NXPH2: variants seen among roughly 807,000 people sequenced by gnomAD.
NXPH2 encodes the protein neurexophilin 2.
Under a neutral mutation model 19.8 loss-of-function variants are expected in NXPH2, and 5 were observed. The observed-to-expected ratio is 0.25, with a 90% CI of 0.13 to 0.53. The LOEUF is 0.53. Ranked by LOEUF, NXPH2 falls within the 20% of genes least tolerant of loss-of-function variation. The probability of loss-of-function intolerance (pLI) is 0.96; values close to 1 mark genes in which losing one functional copy is unlikely to be tolerated. For missense variants in NXPH2, 289 were observed against 322.8 expected, an observed-to-expected ratio of 0.90 and a Z score of 0.80; for synonymous variants, 154 against 127.4, an observed-to-expected ratio of 1.21 and a Z score of -1.41.
At chr2:138,694,580 C>T (rs1373370690) in intron 1 of NXPH2, among the ~76,000 whole-genome samples, 1 of 152,266 alleles carries the variant, frequency 6.6e-6, no homozygotes, top group African/African-American at 2.4e-5. Flanking sequence ...GCTTCAGAGA[C>T]GTCATGGCCC....
intron 1 of NXPH2, among the ~76,000 whole-genome samples, chr2:138,707,430 C>T (rs370453358): frequency 4.6e-5 from 7 of 152,078 alleles, no homozygotes; most frequent in African/African-American, 1.4e-4. Context: ...TTATGAATCA[C>T]TTGTGGCCTG....
chr2:138,728,279 C>T (rs1010291742), intron 1 of NXPH2, among the ~76,000 whole-genome samples: 1 of 152,174 alleles, frequency 6.6e-6, no homozygotes, highest in African/African-American at 2.4e-5. Context: ...AAAGAGGCTT[C>T]ACTAGAAATC....
chr2:138,716,271 A>C (rs2104990891), intron 1 of NXPH2, among the ~76,000 whole-genome samples: 1 of 152,288 alleles, frequency 6.6e-6, no homozygotes, highest in Middle Eastern at 3.4e-3. Context: ...TTATATCCCC[A>C]TAAAATGGAT....
intron 1 of NXPH2, among the ~76,000 whole-genome samples, chr2:138,705,106 C>G (rs962627351): frequency 6.6e-6 from 1 of 151,974 alleles, no homozygotes; most frequent in Admixed American, 6.6e-5. Flanking sequence ...GGATAACAGG[C>G]GTGAGCCACC....
intron 1 of NXPH2, among the ~76,000 whole-genome samples, chr2:138,718,277 A>T (rs1245219891): frequency 6.6e-6 from 1 of 152,114 alleles, no homozygotes; most frequent in Non-Finnish European, 1.5e-5. Context: ...AAGACAATTT[A>T]AAAAATTTCT....
chr2:138,705,631 C>T (rs1680996727), intron 1 of NXPH2, among the ~76,000 whole-genome samples: 2 of 152,170 alleles, frequency 1.3e-5, no homozygotes, highest in African/African-American at 2.4e-5. Context: ...TGTCTTTGAA[C>T]GTGGTGTGAC....
At chr2:138,686,821 C>A (rs930286646) in intron 1 of NXPH2, among the ~76,000 whole-genome samples, 12 of 152,006 alleles carry the variant, frequency 7.9e-5, no homozygotes, top group Admixed American at 7.2e-4. Context: ...TTTGTCCTTG[C>A]AATAGTGTGC....
chr2:138,713,331 G>A (rs569048748), intron 1 of NXPH2, among the ~76,000 whole-genome samples: 1 of 152,148 alleles, frequency 6.6e-6, no homozygotes, highest in Non-Finnish European at 1.5e-5. Flanking sequence ...ACGGTCTGAA[G>A]AGGGACCTTT....
intron 1 of NXPH2, among the ~76,000 whole-genome samples, chr2:138,740,854 C>T (rs538431523): frequency 1.3e-4 from 19 of 151,542 alleles, no homozygotes; most frequent in South Asian, 6.3e-4. Flanking sequence ...CATGAAGCCA[C>T]GCTGTAAACT....
chr2:138,705,079 G>A (rs984767730), intron 1 of NXPH2, among the ~76,000 whole-genome samples: 3 of 151,910 alleles, frequency 2.0e-5, no homozygotes, highest in African/African-American at 4.8e-5. Flanking sequence ...TGCCTGCCTC[G>A]GCCTCCCAAA....
chr2:138,760,029 G>T (rs189957072), intron 1 of NXPH2, among the ~76,000 whole-genome samples: 1 of 152,116 alleles, frequency 6.6e-6, no homozygotes, highest in Admixed American at 6.5e-5. Context: ...GAGCCCGGCC[G>T]CCACCCTTTT....
At chr2:138,701,691 G>A (rs1166833564) in intron 1 of NXPH2, among the ~76,000 whole-genome samples, 1 of 152,170 alleles carries the variant, frequency 6.6e-6, no homozygotes, top group East Asian at 1.9e-4. Context: ...ATTATATGAT[G>A]TTGCTTTTTA....
chr2:138,762,991 A>C (rs116293393), intron 1 of NXPH2, among the ~76,000 whole-genome samples: 2,221 of 152,364 alleles, frequency 0.015, 16 homozygotes, highest in Non-Finnish European at 0.023. Context: ...AGTGCTTATA[A>C]GCAGGTGAAG....
In NXPH2 at chr2:138,669,237, GTA is replaced by G. The variant is rs766552514; in HGVS notation, c.*1683_*1684del. ...TTTCTCTGTACACAGAAAATTCTAA[GTA>G]TATATATATAGATATATGATTCCCA... On this transcript the variant is annotated 3_prime_UTR_variant, in exon 2 of 2. Transcript: ENST00000272641. 9.7e-4 allele frequency among the ~76,000 whole-genome samples: 148 copies of G among 151,824 alleles called. 2 individuals carry two copies. The highest frequency in any genetic ancestry group is 3.4e-3 in the Middle Eastern group (1 of 294).
At position 138,671,103 on chromosome 2, in the gene NXPH2, A is replaced by G. The variant is rs765269735; in HGVS notation, c.614T>C (p.Phe205Ser). 3.7e-6 allele frequency: 6 copies of G among 1,613,982 alleles called. No homozygotes were observed. The highest frequency in any genetic ancestry group is 4.2e-6 in the Non-Finnish European group (5 of 1,179,866). The change falls in exon 2 of 2, where the codon TTT becomes TCT. Residue 205 changes from phenylalanine to serine, a missense_variant. Phe to Ser is a radical substitution (Grantham distance 155). Transcript: ENST00000272641. ...CTGGTAGCAGATCTTGGATGGGTCA[A>G]AGTTGCACAGGGCGGTCTTTTTCGC... ...DRAKKTALCN[F>S]DPSKICYQEQ... is the part of the protein sequence containing the mutation.
chr2:138,777,249 A>G (rs1682277069), intron 1 of NXPH2, among the ~76,000 whole-genome samples: 1 of 152,110 alleles, frequency 6.6e-6, no homozygotes, highest in African/African-American at 2.4e-5. Flanking sequence ...TTCAAATGCT[A>G]ATTTTTTTCT....
chr2:138,778,947 C>T (rs1479990761), intron 1 of NXPH2, among the ~76,000 whole-genome samples: 1 of 152,188 alleles, frequency 6.6e-6, no homozygotes, highest in Non-Finnish European at 1.5e-5. Flanking sequence ...TCCACCGTAA[C>T]AAGCATGGAC....
intron 1 of NXPH2, among the ~76,000 whole-genome samples, chr2:138,684,235 C>G (rs1399847844): frequency 6.6e-6 from 1 of 152,112 alleles, no homozygotes; most frequent in Non-Finnish European, 1.5e-5. Context: ...ACCTAGGAAT[C>G]TGGTCTTTGT....
chr2:138,713,334 G>A lies in NXPH2; in HGVS notation c.52-41669C>T, dbSNP rs188549247. 1.6e-4 allele frequency among the ~76,000 whole-genome samples: 25 copies of A among 152,202 alleles called. No individual in the cohort carries two copies. In the East Asian group the frequency reaches 4.6e-3, roughly 28 times the overall value. ...TTGTTGACCCAAACGGTCTGAAGAG[G>A]GACCTTTGTACGTTGGGAGTGACAG... On this transcript the variant is annotated intron_variant, in intron 1 of 1. Transcript: ENST00000272641.
Sources: gnomAD v4.1 joint callset for allele counts (sites outside exome capture counted in the v4.1 genomes callset) on GRCh38, gnomAD v4.1.1 for gene constraint, MANE v1.5 for transcripts, NCBI Gene and HGNC (gene_info 2026-07-23, HGNC 2026-07-21) for gene names.